MTHFD1: variants seen among roughly 807,000 people sequenced by gnomAD.
MTHFD1 encodes the protein methylenetetrahydrofolate dehydrogenase, cyclohydrolase and formyltetrahydrofolate synthetase 1, also known as C-1-tetrahydrofolate synthase, cytoplasmic.
In MTHFD1, 44 loss-of-function variants were observed where a neutral mutation model predicts 110.3. The observed-to-expected ratio is 0.40, with a 90% CI of 0.31 to 0.51. The LOEUF (loss-of-function observed/expected upper bound fraction) is 0.51, where lower values mean the gene tolerates loss of function less well. Ranked by LOEUF, MTHFD1 falls within the 20% of genes least tolerant of loss-of-function variation. The pLI is 0.60. For synonymous variants in MTHFD1, 402 were observed against 428.8 expected (o/e 0.94, Z 0.77); for missense variants, 909 against 1,173.1 (o/e 0.77, Z 3.29).
intron 2 of MTHFD1, among the ~76,000 whole-genome samples, chr14:64,404,248 C>CA: frequency 6.6e-6 from 1 of 152,290 alleles, no homozygotes. Context: ...TCTGGGACAC[C>CA]ACTGGTTTCC....
intron 22 of MTHFD1, among the ~76,000 whole-genome samples, chr14:64,446,454 A>G (rs2078289743): frequency 6.6e-6 from 1 of 152,212 alleles, no homozygotes; most frequent in African/African-American, 2.4e-5. Context: ...TTCCAATGCT[A>G]CAAGCAGGGC....
intron 12 of MTHFD1, 106 bp downstream of exon 12, chr14:64,427,579 A>C (rs1241401078): frequency 1.1e-5 from 12 of 1,108,742 alleles, no homozygotes; most frequent in Non-Finnish European, 1.6e-5. Context: ...AACTCATTTC[A>C]ACACCAGGAA....
chr14:64,401,962 A>G (rs532535957), intron 2 of MTHFD1, among the ~76,000 whole-genome samples: 2 of 152,318 alleles, frequency 1.3e-5, no homozygotes, highest in Non-Finnish European at 2.9e-5. Flanking sequence ...ATTGAAATAT[A>G]TGGAGAAAAT....
chr14:64,452,885 T>C (rs887503079), intron 24 of MTHFD1, among the ~76,000 whole-genome samples: 1 of 151,960 alleles, frequency 6.6e-6, no homozygotes, highest in African/African-American at 2.4e-5. Flanking sequence ...ATTATTATTT[T>C]AAAATTTTTA....
chr14:64,455,859 C>T (rs1384248929), intron 26 of MTHFD1, among the ~76,000 whole-genome samples: 1 of 152,216 alleles, frequency 6.6e-6, no homozygotes, highest in Non-Finnish European at 1.5e-5. Flanking sequence ...CATCACATCA[C>T]AGTGGTGCTT....
intron 2 of MTHFD1, among the ~76,000 whole-genome samples, chr14:64,405,271 T>C (rs1362886193): frequency 2.6e-5 from 4 of 152,200 alleles, no homozygotes; most frequent in Admixed American, 2.6e-4. Flanking sequence ...TTGGGGGTGT[T>C]TTTTTTCCTC....
chr14:64,453,143 T>G lies in MTHFD1; in HGVS notation c.2458-611T>G, dbSNP rs181780896. On this transcript the variant is annotated intron_variant, in intron 24 of 27. Transcript: ENST00000652337. Reference sequence around the variant, plus strand: ...CTTATGTAAGTATATATTTAAAACCTTAATATATATTAATATGTGTATCTA... The same window carrying G: ...CTTATGTAAGTATATATTTAAAACCGTAATATATATTAATATGTGTATCTA... 5.7e-4 allele frequency among the ~76,000 whole-genome samples: 86 copies of G among 152,128 alleles called. 2 individuals are homozygous for G. The East Asian group carries it at 0.016, about 29-fold the overall frequency.
intron 25 of MTHFD1, among the ~76,000 whole-genome samples, chr14:64,454,120 T>C (rs1291771337): frequency 1.3e-5 from 2 of 152,192 alleles, no homozygotes; most frequent in Non-Finnish European, 2.9e-5. Context: ...GTCTCCAGTT[T>C]TTGTTATTTT....
In MTHFD1 at chr14:64,419,939, G is replaced by C; in HGVS notation, c.727+14G>C. 1.9e-6 allele frequency: 3 copies of C among 1,570,284 alleles called. No individual in the cohort carries two copies. The highest frequency in any genetic ancestry group is 1.8e-6 in the Non-Finnish European group (2 of 1,140,330). ...ATTATGTCCCAGGTGAGTGTTGTTG[G>C]AGGAGTAAGGTGGCTGCTGGTATTG... On this transcript the variant is annotated intron_variant, in intron 8 of 27. Coordinates refer to ENST00000652337, the MANE Select transcript of MTHFD1 (RefSeq NM_005956.4).
At chr14:64,457,935 G>T (rs2078501704) in intron 26 of MTHFD1, 1 of 545,470 alleles carries the variant, frequency 1.8e-6, no homozygotes, top group African/African-American at 1.9e-5. Flanking sequence ...GCCTTGCTCT[G>T]TCGCCCAGGC....
intron 1 of MTHFD1, among the ~76,000 whole-genome samples, chr14:64,393,993 A>C (rs1403740298): frequency 6.6e-6 from 1 of 152,052 alleles, no homozygotes; most frequent in Non-Finnish European, 1.5e-5. Context: ...TGCCCCAAGG[A>C]TTAAAAGAAT....
chr14:64,395,458 T>C (rs2077839963), intron 1 of MTHFD1, among the ~76,000 whole-genome samples: 1 of 152,188 alleles, frequency 6.6e-6, no homozygotes, highest in Non-Finnish European at 1.5e-5. Flanking sequence ...GGGACCTCAT[T>C]GTTCAGGAAT....
At chr14:64,444,614 T>C in intron 21 of MTHFD1, 79 bp from the exon 22 acceptor site, 1 of 1,535,126 alleles carries the variant, frequency 6.5e-7, no homozygotes, top group South Asian at 1.1e-5. Flanking sequence ...GCGTCTTGCC[T>C]TTAACACATG....
chr14:64,406,671 C>A (rs2077938814), intron 2 of MTHFD1, among the ~76,000 whole-genome samples: 1 of 151,852 alleles, frequency 6.6e-6, no homozygotes, highest in Admixed American at 6.6e-5. Context: ...GACAGAATTT[C>A]TCCATATTGC....
At position 64,432,023 on chromosome 14, in the gene MTHFD1, G is replaced by T. The variant is rs530909976; in HGVS notation, c.1494+162G>T. ...ATACATAGCAAAGATGGATGGTAGA[G>T]GTTATTTCTCATTTATCTATAGATT... is the stretch of plus-strand genomic sequence containing the variant. On this transcript the variant is annotated intron_variant, in intron 15 of 27. Coordinates refer to ENST00000652337, the MANE Select transcript of MTHFD1 (RefSeq NM_005956.4). 2.2e-4 allele frequency among the ~76,000 whole-genome samples: 33 copies of T among 152,264 alleles called. No homozygotes were observed. The East Asian group carries it at 6.4e-3, about 29-fold the overall frequency.
rs186062608 is a variant in MTHFD1 at position 64,446,616 on chromosome 14, A to G, written c.2179-1601A>G. ...GAGTGCAGTGGTGTGATCTCGGCTC[A>G]CTGCAAGCTCCGCCTCCTGGGTTCA... On this transcript the variant is annotated intron_variant, in intron 22 of 27. Transcript: ENST00000652337. Among the ~76,000 whole-genome samples the G allele has an allele frequency of 9.6e-3, 1,453 of 150,790 alleles. 10 individuals are homozygous for G. The highest frequency in any genetic ancestry group is 0.013 in the Non-Finnish European group (904 of 67,588).
At chr14:64,427,536 G>A (rs2078127321) in intron 12 of MTHFD1, 63 bp downstream of exon 12, 9 of 1,541,204 alleles carry the variant, frequency 5.8e-6, no homozygotes, top group Non-Finnish European at 8.1e-6. Context: ...GTCCTCCCAG[G>A]CCCACGCAAC....
intron 2 of MTHFD1, among the ~76,000 whole-genome samples, chr14:64,409,035 A>T (rs2077961355): frequency 6.6e-6 from 1 of 152,232 alleles, no homozygotes; most frequent in Non-Finnish European, 1.5e-5. Context: ...AAACTTTGAC[A>T]TACGCTCATA....
At chr14:64,388,574 G>A (rs925104890) in intron 1 of MTHFD1, 106 bp downstream of exon 1, 7 of 1,029,468 alleles carry the variant, frequency 6.8e-6, no homozygotes, top group Non-Finnish European at 9.1e-6. Context: ...TGTAGCGGAA[G>A]AGTTAGGCCC....
Sources: allele counts gnomAD v4.1 joint callset (sites outside exome capture counted in the v4.1 genomes callset), GRCh38; gene constraint gnomAD v4.1.1; transcripts MANE v1.5; gene names NCBI Gene and HGNC (gene_info 2026-07-23, HGNC 2026-07-21).